Variants in TSNAXIP1 observed in about 807,000 individuals in gnomAD.
TSNAXIP1 encodes the protein translin associated factor X interacting protein 1.
A neutral mutation model predicts 84.8 loss-of-function variants in TSNAXIP1; 89 were observed. The observed-to-expected ratio is 1.05, with a 90% CI of 0.88 to 1.25. The LOEUF (loss-of-function observed/expected upper bound fraction) is 1.25. TSNAXIP1 is among the 50% of genes most tolerant of loss of function. The probability of loss-of-function intolerance (pLI) is 0.00; values close to 1 mark genes in which losing one functional copy is unlikely to be tolerated. For synonymous variants in TSNAXIP1, 347 were observed against 335.2 expected (o/e 1.04, Z -0.39); for missense variants, 874 against 887.6 (o/e 0.98, Z 0.20).
chr16:67,827,243 C>T lies in TSNAXIP1; in HGVS notation c.1665-6C>T, dbSNP rs758460022. On this transcript the variant is annotated splice_region_variant and splice_polypyrimidine_tract_variant and intron_variant, in intron 13 of 15. Coordinates refer to ENST00000561639, the MANE Select transcript of TSNAXIP1 (RefSeq NM_001288990.3). ...GTCCCTGTTGGCCCTCATGTCTCCC[C>T]TACAGCACTGTCCTCAAGAGTACCT... The T allele has an allele frequency of 2.0e-5, 33 of 1,613,980 alleles. No individual in the cohort carries two copies. The highest frequency in any genetic ancestry group is 3.3e-5 in the South Asian group (3 of 91,074).
intron 7 of TSNAXIP1, 29 bp downstream of exon 7, chr16:67,825,301 C>T (rs2057354708): frequency 2.5e-6 from 4 of 1,612,696 alleles, no homozygotes; most frequent in Non-Finnish European, 2.5e-6. Context: ...TCGGGTTTCT[C>T]TCTTCTCTGA....
chr16:67,810,368 C>T lies in TSNAXIP1; in HGVS notation c.47+3172C>T, dbSNP rs554750879. Reference sequence around the variant, plus strand: ...GGGTACGGTGGCTCACGTCTGTAATCCCAGCACTTTGGGAGGCCAAGGTGG... The same window carrying T: ...GGGTACGGTGGCTCACGTCTGTAATTCCAGCACTTTGGGAGGCCAAGGTGG... On this transcript the variant is annotated intron_variant, in intron 1 of 15. Coordinates refer to ENST00000561639, the MANE Select transcript of TSNAXIP1 (RefSeq NM_001288990.3). Among the ~76,000 whole-genome samples, 38 of 152,186 alleles carry T rather than the reference C, an allele frequency of 2.5e-4. No individual in the cohort carries two copies. In the South Asian group the frequency reaches 7.7e-3, roughly 31 times the overall value.
intron 12 of TSNAXIP1, 34 bp downstream of exon 12, chr16:67,826,878 A>C: frequency 6.2e-7 from 1 of 1,611,926 alleles, no homozygotes; most frequent in Non-Finnish European, 8.5e-7. Context: ...GGGGAGACTG[A>C]GAGGGGTCTT....
At chr16:67,814,183 G>A in intron 1 of TSNAXIP1, 119 bp from the exon 2 acceptor site, 1 of 752,230 alleles carries the variant, frequency 1.3e-6, no homozygotes, top group Non-Finnish European at 2.2e-6. Flanking sequence ...GGAATCCGGA[G>A]GCAGCACCCA....
intron 15 of TSNAXIP1, 27 bp downstream of exon 15, chr16:67,827,606 TC>T: frequency 3.1e-6 from 5 of 1,613,026 alleles, no homozygotes; most frequent in Non-Finnish European, 4.2e-6. Context: ...CATAGGCGAG[TC>T]CCACAGGCTG....
intron 5 of TSNAXIP1, 70 bp downstream of exon 5, chr16:67,823,789 G>A (rs377103449): frequency 1.3e-5 from 18 of 1,353,926 alleles, no homozygotes; most frequent in African/African-American, 5.8e-5. Context: ...AGGCCGAGGC[G>A]GTAGATCACT....
Position 67,826,265 on chromosome 16 carries a change from G to A in TSNAXIP1, c.1258G>A (p.Asp420Asn). 1.3e-6 allele frequency: 2 copies of A among 1,580,522 alleles called. No homozygotes were observed. Among genetic ancestry groups the A allele is most frequent in the Non-Finnish European group, 1.7e-6 (2 of 1,161,592 alleles). Reference protein sequence around the residue: ...EIGSGLLREKDFFPGLGYGEA... With the variant: ...EIGSGLLREKNFFPGLGYGEA... ...TGGTTCGGGGCTGCTGCGGGAGAAA[G>A]ACTTCTTCCCTGGTCTGGTAGGGGA... The change falls in exon 10 of 16, where the codon GAC becomes AAC. Residue 420 changes from aspartate (D) to asparagine (N), a missense_variant. Coordinates refer to ENST00000561639, the MANE Select transcript of TSNAXIP1 (RefSeq NM_001288990.3).
chr16:67,812,534 C>T (rs1178803549), intron 1 of TSNAXIP1, among the ~76,000 whole-genome samples: 2 of 151,206 alleles, frequency 1.3e-5, no homozygotes, highest in African/African-American at 4.9e-5. Flanking sequence ...GGCACGGTAG[C>T]GTGCACCTGT....
intron 2 of TSNAXIP1, among the ~76,000 whole-genome samples, chr16:67,815,843 A>G (rs1019248556): frequency 6.6e-6 from 1 of 151,026 alleles, no homozygotes; most frequent in Non-Finnish European, 1.5e-5. Flanking sequence ...TCTGTCACCC[A>G]GGAAGGAGCA....
rs1355477539 is a variant in TSNAXIP1 at position 67,807,032 on chromosome 16, T to C, written c.-118T>C. The C allele has an allele frequency of 8.9e-6, 13 of 1,456,170 alleles. No homozygotes were observed. Among genetic ancestry groups the C allele is most frequent in the Middle Eastern group, 2.5e-4 (1 of 4,036 alleles). 90.2% of individuals were successfully genotyped at this position (1,456,170 alleles called of 1,614,324 possible). A position where few individuals can be genotyped will look rare whatever the true frequency, so the allele number is the denominator to read the frequency against. On this transcript the variant is annotated 5_prime_UTR_variant, in exon 1 of 16. Coordinates refer to ENST00000561639, the MANE Select transcript of TSNAXIP1 (RefSeq NM_001288990.3). ...GCGCTAGGCTCGGGGGCGTGGCGCA[T>C]CCCTGACTCCGCCCCCGCCGCGGGG...
chr16:67,827,828 G>A lies in TSNAXIP1; in HGVS notation c.1974G>A (p.Val658=). The A allele has an allele frequency of 6.2e-7, 1 of 1,614,156 alleles. No individual in the cohort carries two copies. Among genetic ancestry groups the A allele is most frequent in the Non-Finnish European group, 8.5e-7 (1 of 1,180,036 alleles). ...ACCCCAGCCTGGACAAGCAGACAGT[G>A]AACACCTACATGAGCCAGGCCTTCC... ...TIDPSLDKQT[V]NTYMSQAFQL... Residue 658 remains valine, a synonymous_variant, in exon 16 of 16, where the codon GTG becomes GTA. Coordinates refer to ENST00000561639, the MANE Select transcript of TSNAXIP1 (RefSeq NM_001288990.3).
At chr16:67,807,588 C>G (rs1821233311) in intron 1 of TSNAXIP1, 1 of 354,596 alleles carries the variant, frequency 2.8e-6, no homozygotes, top group Non-Finnish European at 5.3e-6. Flanking sequence ...CCTCAGCCTC[C>G]CGAGTAGCTG....
rs1208717708 is a variant in TSNAXIP1, at chr16:67,827,091, C to T, written c.1664+19C>T. ...AGTTCAAGTGAGAGGCCAGTCCAGG[C>T]TACCCCCAACTCCTACCCAACTATT... On this transcript the variant is annotated intron_variant, in intron 13 of 15. Transcript: ENST00000561639. 6.2e-7 allele frequency: 1 copy of T among 1,612,112 alleles called. No homozygotes were observed. The highest frequency in any genetic ancestry group is 1.3e-5 in the African/African-American group (1 of 75,018).
At chr16:67,812,894 A>C (rs539559955) in intron 1 of TSNAXIP1, among the ~76,000 whole-genome samples, 3 of 152,184 alleles carry the variant, frequency 2.0e-5, no homozygotes, top group Non-Finnish European at 4.4e-5. Context: ...TACAGGCATG[A>C]GCTACCACGC....
rs972985384 is a variant in TSNAXIP1, at chr16:67,822,155, T to C, written c.387+930T>C. 2.0e-5 allele frequency among the ~76,000 whole-genome samples: 3 copies of C among 151,186 alleles called. No individual in the cohort carries two copies. The Admixed American group carries it at 2.0e-4, about 10-fold the overall frequency. Reference sequence around the variant, plus strand: ...TTAGCCAGGTGTGGTGGCAGGCACCTGTAGTCCCAGCTGCTCGGGAGGCTG... The same window carrying C: ...TTAGCCAGGTGTGGTGGCAGGCACCCGTAGTCCCAGCTGCTCGGGAGGCTG... On this transcript the variant is annotated intron_variant, in intron 4 of 15. Transcript: ENST00000561639.
intron 2 of TSNAXIP1, among the ~76,000 whole-genome samples, chr16:67,819,324 A>G (rs1336156591): frequency 6.7e-6 from 1 of 149,708 alleles, no homozygotes; most frequent in Non-Finnish European, 1.5e-5. Context: ...GCTCACTGCA[A>G]CCTCTGCCTC....
intron 2 of TSNAXIP1, among the ~76,000 whole-genome samples, chr16:67,818,759 A>T (rs2056798560): frequency 1.3e-5 from 2 of 149,796 alleles, no homozygotes; most frequent in African/African-American, 4.9e-5. Context: ...ACTGGAGTAC[A>T]GTCGTGCCAT....
At chr16:67,814,198 C>T in intron 1 of TSNAXIP1, 104 bp from the exon 2 acceptor site, 1 of 922,358 alleles carries the variant, frequency 1.1e-6, no homozygotes, top group Non-Finnish European at 1.7e-6. Context: ...CACCCAGAGC[C>T]TGGCTCAGGG....
At chr16:67,827,176 C>T in intron 13 of TSNAXIP1, 73 bp from the exon 14 acceptor site, 2 of 1,607,360 alleles carry the variant, frequency 1.2e-6, no homozygotes, top group Middle Eastern at 3.3e-4. Flanking sequence ...GGCACTCACT[C>T]CCTTTTGAGC....
Sources: gnomAD v4.1 joint callset for allele counts (sites outside exome capture counted in the v4.1 genomes callset) on GRCh38, gnomAD v4.1.1 for gene constraint, MANE v1.5 for transcripts, NCBI Gene and HGNC (gene_info 2026-07-23, HGNC 2026-07-21) for gene names.